Variants in CAST observed in about 807,000 individuals in gnomAD.
CAST encodes MIR583 host.
A neutral mutation model predicts 119.6 loss-of-function variants in CAST; 76 were observed. The ratio of observed to expected loss-of-function variants is 0.64; its 90% confidence interval spans 0.53 to 0.77. CAST has a LOEUF of 0.77. Ranked by LOEUF, CAST falls within the 30% of genes least tolerant of loss-of-function variation. CAST has a pLI of 0.00. For synonymous variants in CAST, 319 were observed against 331.6 expected (o/e 0.96, Z 0.41); for missense variants, 953 against 946.5 (o/e 1.01, Z -0.09).
chr5:96,445,036 A>C, the CAST span, among the ~76,000 whole-genome samples: 1 of 152,204 alleles, frequency 6.6e-6, no homozygotes, highest in East Asian at 1.9e-4. Flanking sequence ...GTTGGATTCC[A>C]GAGAGAAGAC....
chr5:96,082,266 C>T, the CAST span, among the ~76,000 whole-genome samples: 3 of 152,104 alleles, frequency 2.0e-5, no homozygotes, highest in African/African-American at 4.8e-5. Flanking sequence ...ACAGAGGAGG[C>T]CTACAGTAAG....
the CAST span, among the ~76,000 whole-genome samples, chr5:96,232,961 C>G: frequency 4.6e-5 from 7 of 151,966 alleles, no homozygotes; most frequent in African/African-American, 1.4e-4. Flanking sequence ...GAAACACTTG[C>G]ATATGTTAAC....
chr5:96,501,957 C>T, the CAST span, among the ~76,000 whole-genome samples: 1 of 152,170 alleles, frequency 6.6e-6, no homozygotes, highest in Non-Finnish European at 1.5e-5. Flanking sequence ...AGGTGTACAC[C>T]TATGATATAC....
the CAST span, chr5:96,423,177 A>C: frequency 8.9e-6 from 7 of 789,750 alleles, no homozygotes; most frequent in Admixed American, 4.0e-5. Flanking sequence ...GGGAAGTGGG[A>C]GAAGGGACAT....
chr5:96,165,624 A>G, the CAST span, among the ~76,000 whole-genome samples: 1 of 152,224 alleles, frequency 6.6e-6, no homozygotes, highest in African/African-American at 2.4e-5. Context: ...GAAATTCCTT[A>G]TAATCAATTG....
At chr5:96,187,385 G>C in the CAST span, among the ~76,000 whole-genome samples, 1 of 151,766 alleles carries the variant, frequency 6.6e-6, no homozygotes, top group Admixed American at 6.6e-5. Context: ...ATCTTCTATA[G>C]CTTCAGGGTT....
the CAST span, among the ~76,000 whole-genome samples, chr5:96,074,974 T>C: frequency 6.6e-6 from 1 of 152,204 alleles, no homozygotes; most frequent in African/African-American, 2.4e-5. Flanking sequence ...GATACCTTTT[T>C]CTTTAGGCTG....
the CAST span, among the ~76,000 whole-genome samples, chr5:96,158,205 G>A: frequency 6.6e-6 from 1 of 152,186 alleles, no homozygotes; most frequent in Non-Finnish European, 1.5e-5. Context: ...TTATGACTAA[G>A]CAAAGAGAGG....
the CAST span, among the ~76,000 whole-genome samples, chr5:96,488,408 A>G: frequency 2.5e-4 from 38 of 152,222 alleles, no homozygotes; most frequent in Non-Finnish European, 2.8e-4. Context: ...ACATTGATGA[A>G]CCTCCTCTTC....
At chr5:96,567,972 G>A (rs947177925) in intron 1 of CAST, among the ~76,000 whole-genome samples, 1 of 152,184 alleles carries the variant, frequency 6.6e-6, no homozygotes, top group African/African-American at 2.4e-5. Flanking sequence ...GAGGCAGGAT[G>A]CCTTCTTTGT....
chr5:96,116,400 T>C, the CAST span, among the ~76,000 whole-genome samples: 2 of 152,232 alleles, frequency 1.3e-5, no homozygotes, highest in Admixed American at 1.3e-4. Context: ...TCAATAATGC[T>C]GCTATGAGTA....
At chr5:96,232,228 T>C in the CAST span, among the ~76,000 whole-genome samples, 5 of 151,976 alleles carry the variant, frequency 3.3e-5, no homozygotes, top group African/African-American at 1.2e-4. Context: ...CTCTGGAGGA[T>C]GAGAGTGTTG....
the CAST span, among the ~76,000 whole-genome samples, chr5:96,158,240 T>C: frequency 6.6e-6 from 1 of 152,226 alleles, no homozygotes; most frequent in African/African-American, 2.4e-5. Context: ...GAGTCAGTCA[T>C]GGATTTTTAA....
upstream of CAST, chr5:96,662,188 T>G: frequency 2.3e-6 from 1 of 441,846 alleles, no homozygotes; most frequent in African/African-American, 2.1e-5. Context: ...GCGGAGGGTG[T>G]TAAGTTACAG....
At chr5:96,148,354 T>A in the CAST span, among the ~76,000 whole-genome samples, 3 of 152,240 alleles carry the variant, frequency 2.0e-5, no homozygotes, top group African/African-American at 4.8e-5. Flanking sequence ...CACACTAAAA[T>A]ACTGTCTGTC....
the CAST span, among the ~76,000 whole-genome samples, chr5:96,494,226 T>C: frequency 1.3e-5 from 2 of 152,128 alleles, no homozygotes; most frequent in East Asian, 1.9e-4. Context: ...CTTGTAGCAA[T>C]GCAATATAAA....
chr5:96,071,272 G>C, the CAST span, among the ~76,000 whole-genome samples: 1 of 151,672 alleles, frequency 6.6e-6, no homozygotes, highest in African/African-American at 2.4e-5. Context: ...CACCCCATTT[G>C]AGTCTCAGGT....
chr5:96,449,139 A>G, the CAST span, among the ~76,000 whole-genome samples: 1 of 151,952 alleles, frequency 6.6e-6, no homozygotes, highest in Non-Finnish European at 1.5e-5. Flanking sequence ...ATGTAGTCTA[A>G]AAGCCCCTCT....
At chr5:96,717,983 G>C (rs1757486398) in intron 3 of CAST, among the ~76,000 whole-genome samples, 1 of 152,154 alleles carries the variant, frequency 6.6e-6, no homozygotes, top group Admixed American at 6.5e-5. Flanking sequence ...TTTCTATCCA[G>C]GTATGGGTGA....
Sources: allele counts gnomAD v4.1 joint callset (sites outside exome capture counted in the v4.1 genomes callset), GRCh38; gene constraint gnomAD v4.1.1; transcripts MANE v1.5; gene names NCBI Gene and HGNC (gene_info 2026-07-23, HGNC 2026-07-21).